PRKG1: variants seen among roughly 807,000 people sequenced by gnomAD.
The protein encoded by PRKG1 is cGMP-dependent protein kinase 1.
In PRKG1, 35 loss-of-function variants were observed where a neutral mutation model predicts 88.1. The ratio of observed to expected loss-of-function variants is 0.40; its 90% CI spans 0.30 to 0.53. The LOEUF is 0.53. Among genes scored for constraint, PRKG1 ranks in the 20% least tolerant of loss-of-function variants. PRKG1 has a pLI of 0.59. For synonymous variants in PRKG1, 303 were observed against 292.5 expected, an observed-to-expected ratio of 1.04 and a Z score of -0.37; for missense variants, 540 against 839.8, an observed-to-expected ratio of 0.64 and a Z score of 4.41.
At chr10:51,882,087 A>G (rs1451502474) in intron 4 of PRKG1, among the ~76,000 whole-genome samples, 1 of 152,228 alleles carries the variant, frequency 6.6e-6, no homozygotes, top group African/African-American at 2.4e-5. Flanking sequence ...AAGCATAAAA[A>G]AAGTCCACCT....
chr10:52,246,592 A>G lies in PRKG1; in HGVS notation c.1077-4978A>G, dbSNP rs191161137. 1.8e-4 allele frequency among the ~76,000 whole-genome samples: 28 copies of G among 152,208 alleles called. No homozygotes were observed. In the East Asian group the frequency reaches 5.2e-3, roughly 28 times the overall value. ...TATTTCATTATTTAAAGAGTCCCCT[A>G]TAGGCCAGTTGTGGTGGCTCATGCC... On this transcript the variant is annotated intron_variant, in intron 9 of 17. Coordinates refer to ENST00000373980, the MANE Select transcript of PRKG1 (RefSeq NM_006258.4).
intron 5 of PRKG1, among the ~76,000 whole-genome samples, chr10:52,053,906 C>T (rs889307271): frequency 6.6e-6 from 1 of 152,096 alleles, no homozygotes; most frequent in Admixed American, 6.6e-5. Context: ...GTCTAACCCA[C>T]AATAAAAATC....
At chr10:51,198,971 G>C (rs1564635422) in intron 2 of PRKG1, among the ~76,000 whole-genome samples, 1 of 152,196 alleles carries the variant, frequency 6.6e-6, no homozygotes, top group Non-Finnish European at 1.5e-5. Flanking sequence ...ATGCCTTGGA[G>C]AAGGAGGTAA....
chr10:51,967,266 A>G (rs1411708377), intron 5 of PRKG1, among the ~76,000 whole-genome samples: 1 of 152,194 alleles, frequency 6.6e-6, no homozygotes, highest in African/African-American at 2.4e-5. Flanking sequence ...TTGTAGGGAC[A>G]TGGATGAAGC....
chr10:51,656,965 A>G (rs1840177066), intron 3 of PRKG1, among the ~76,000 whole-genome samples: 1 of 152,304 alleles, frequency 6.6e-6, no homozygotes, highest in East Asian at 1.9e-4. Flanking sequence ...GCCTTGGGCA[A>G]GTTACTTGAA....
At chr10:51,501,778 C>A (rs898212533) in intron 3 of PRKG1, among the ~76,000 whole-genome samples, 2 of 147,740 alleles carry the variant, frequency 1.4e-5, no homozygotes, top group Non-Finnish European at 3.0e-5. Flanking sequence ...CAAATTCACC[C>A]AACTTTAGTT....
chr10:51,210,402 G>A (rs1328027690), intron 2 of PRKG1, among the ~76,000 whole-genome samples: 3 of 151,784 alleles, frequency 2.0e-5, no homozygotes, highest in Admixed American at 2.0e-4. Flanking sequence ...CACAATTAAA[G>A]GAACTAGAGA....
At chr10:52,202,429 C>A (rs1198249279) in intron 9 of PRKG1, among the ~76,000 whole-genome samples, 1 of 151,792 alleles carries the variant, frequency 6.6e-6, no homozygotes, top group Admixed American at 6.6e-5. Context: ...TTTTGATGTG[C>A]TGCTGGTATT....
intron 3 of PRKG1, among the ~76,000 whole-genome samples, chr10:51,581,054 A>G (rs1838021406): frequency 6.6e-6 from 1 of 152,090 alleles, no homozygotes; most frequent in Non-Finnish European, 1.5e-5. Flanking sequence ...AATGCACTGG[A>G]TATACCAGCA....
chr10:51,172,991 T>G (rs9414853), intron 2 of PRKG1, among the ~76,000 whole-genome samples: 9,961 of 152,010 alleles, frequency 0.066, 672 homozygotes, highest in African/African-American at 0.17. Context: ...ATAATTAGCA[T>G]TTGAATCTTA....
At chr10:52,172,857 C>T (rs1398627795) in intron 9 of PRKG1, among the ~76,000 whole-genome samples, 1 of 152,134 alleles carries the variant, frequency 6.6e-6, no homozygotes, top group African/African-American at 2.4e-5. Flanking sequence ...GGAGAGCGAG[C>T]CTTAGTTACT....
chr10:51,202,535 T>G (rs1477897321), intron 2 of PRKG1, among the ~76,000 whole-genome samples: 1 of 146,076 alleles, frequency 6.8e-6, no homozygotes, highest in African/African-American at 2.5e-5. Flanking sequence ...TTTAGACAGA[T>G]ATACACACAC....
At chr10:51,644,654 G>A (rs1839874806) in intron 3 of PRKG1, among the ~76,000 whole-genome samples, 1 of 152,030 alleles carries the variant, frequency 6.6e-6, no homozygotes, top group African/African-American at 2.4e-5. Context: ...TCATGACTCA[G>A]GCCTGAATCA....
rs12264753 is a variant in PRKG1, at chr10:51,931,570, A to G, written c.762+24000A>G. 7.6e-3 allele frequency among the ~76,000 whole-genome samples: 1,164 copies of G among 152,318 alleles called. 19 individuals are homozygous for G. Among genetic ancestry groups the G allele is most frequent in the African/African-American group, 0.026 (1,073 of 41,578 alleles). On this transcript the variant is annotated intron_variant, in intron 5 of 17. Transcript: ENST00000373980. Reference sequence around the variant, plus strand: ...AAGCCAGACAGGATGTGATAAATACATAAGGTTCCCTTGTCTTTAGCTTCT... The same window carrying G: ...AAGCCAGACAGGATGTGATAAATACGTAAGGTTCCCTTGTCTTTAGCTTCT...
intron 3 of PRKG1, among the ~76,000 whole-genome samples, chr10:51,713,721 T>C (rs574452962): frequency 6.6e-6 from 1 of 152,352 alleles, no homozygotes; most frequent in East Asian, 1.9e-4. Context: ...GCTTTAGAAC[T>C]ATGGAAGTCT....
At chr10:52,241,418 T>C (rs182519511) in intron 9 of PRKG1, among the ~76,000 whole-genome samples, 5 of 152,308 alleles carry the variant, frequency 3.3e-5, no homozygotes, top group Non-Finnish European at 7.3e-5. Flanking sequence ...CCCTTCGTTT[T>C]GCAGAAAAGG....
At chr10:50,996,269 CCTGT>C (rs1164263563) in intron 1 of PRKG1, among the ~76,000 whole-genome samples, 2 of 152,144 alleles carry the variant, frequency 1.3e-5, no homozygotes. Flanking sequence ...ATTTAAGTCA[CCTGT>C]CTAAGGTGTC....
At chr10:51,992,972 C>A (rs1223191898) in intron 5 of PRKG1, among the ~76,000 whole-genome samples, 1 of 152,054 alleles carries the variant, frequency 6.6e-6, no homozygotes, top group Admixed American at 6.5e-5. Flanking sequence ...CTGAGACCAG[C>A]GTTTGTGCTT....
chr10:51,725,908 G>A lies in PRKG1; in HGVS notation c.593-78677G>A, dbSNP rs112458748. The stretch of plus-strand genomic sequence containing the variant: ...CCTGCCTTGACCTCCCAGAGTGCTG[G>A]GATTACAGGCATGAGCCACCGTGCC... On this transcript the variant is annotated intron_variant, in intron 3 of 17. Transcript: ENST00000373980. 3.1e-3 allele frequency among the ~76,000 whole-genome samples: 476 copies of A among 152,202 alleles called. 4 individuals carry two copies. Among genetic ancestry groups the A allele is most frequent in the African/African-American group, 0.011 (457 of 41,512 alleles).
Sources: allele counts gnomAD v4.1 joint callset (sites outside exome capture counted in the v4.1 genomes callset), GRCh38; gene constraint gnomAD v4.1.1; transcripts MANE v1.5; gene names NCBI Gene and HGNC (gene_info 2026-07-23, HGNC 2026-07-21).